Variants in RGPD3 observed in about 807,000 individuals in gnomAD.
RGPD3 encodes the protein RANBP2 like and GRIP domain containing 3.
Under a neutral mutation model 154.5 loss-of-function variants are expected in RGPD3, and 62 were observed. That is an observed-to-expected ratio of 0.40 (90% CI 0.33 to 0.50). The LOEUF is 0.50. Ranked by LOEUF, RGPD3 falls within the 20% of genes least tolerant of loss-of-function variation. The pLI is 0.59. For synonymous variants in RGPD3, 308 were observed against 607.0 expected (o/e 0.51, Z 7.24); for missense variants, 919 against 1,716.8 (o/e 0.54, Z 8.21).
rs1231290936 is a variant in RGPD3 at position 106,449,920 on chromosome 2, G to A, written c.782+2285C>T. On this transcript the variant is annotated intron_variant, in intron 6 of 22. Transcript: ENST00000409886. ...TAGGCCCAGCTACTCGGGAGGCTGA[G>A]GCAGGAGAATGGCGTGAACCCTGGA... 5.3e-5 allele frequency among the ~76,000 whole-genome samples: 8 copies of A among 152,002 alleles called. No individual in the cohort carries two copies. The South Asian group carries it at 1.2e-3, about 24-fold the overall frequency.
rs1273187560 is a variant in RGPD3 at position 106,415,918 on chromosome 2, C to A, written c.4996G>T (p.Ala1666Ser). 1.2e-6 allele frequency: 2 copies of A among 1,611,704 alleles called. No individual in the cohort carries two copies. Among genetic ancestry groups the A allele is most frequent in the African/African-American group, 2.7e-5 (2 of 74,782 alleles). ...CGAAGCAGGCCGTTTAAGTGATCTG[C>A]ACTTTTTGTGGTGGAACTGAGCTTC... ...VQKLSSTTKS[A>S]DHLNGLLREI... The change falls in exon 21 of 23, where the codon GCA (alanine) becomes TCA (serine). Residue 1666 changes from alanine to serine, a missense_variant. By Grantham distance (99) the Ala-to-Ser change is moderately conservative (BLOSUM62 1). Coordinates refer to ENST00000409886, the MANE Select transcript of RGPD3 (RefSeq NM_001144013.2).
chr2:106,429,358 A>G (rs1399302980), intron 18 of RGPD3, among the ~76,000 whole-genome samples: 3 of 151,472 alleles, frequency 2.0e-5, no homozygotes, highest in African/African-American at 4.9e-5. Flanking sequence ...ACTCTATTCA[A>G]TAACATTTTT....
Position 106,424,156 on chromosome 2 carries a change from A to T in RGPD3, c.3811T>A (p.Ser1271Thr). The T allele has an allele frequency of 1.2e-6, 2 of 1,610,310 alleles. No homozygotes were observed. The highest frequency in any genetic ancestry group is 1.7e-6 in the Non-Finnish European group (2 of 1,179,710). The change falls in exon 20 of 23, where the codon TCT becomes ACT. Residue 1271 changes from serine (S) to threonine (T), a missense_variant. Physicochemically the swap from Ser to Thr is moderately conservative, Grantham distance 58 (BLOSUM62 1). Transcript: ENST00000409886. ...DSVSSSSVHA[S>T]PLASSPVRKN... is the part of the protein sequence containing the mutation. ...CTCACAGGGCTACTTGCCAATGGAGAAGCATGTACTGAGCTACTACTGACA... is the reference window on the plus strand; with the variant it reads ...CTCACAGGGCTACTTGCCAATGGAGTAGCATGTACTGAGCTACTACTGACA...
intron 20 of RGPD3, among the ~76,000 whole-genome samples, chr2:106,418,114 A>G (rs143462662): frequency 0.099 from 14,156 of 143,178 alleles, 1,946 homozygotes; most frequent in African/African-American, 0.17. Flanking sequence ...GTGACAGAGC[A>G]AGACTCCAGC....
rs759803279 is a variant in RGPD3 at position 106,468,331 on chromosome 2, C to G, written c.-43G>C. 36 of 1,575,290 alleles carry G rather than the reference C, an allele frequency of 2.3e-5. No homozygotes were observed. In the African/African-American group the frequency reaches 4.3e-4, roughly 19 times the overall value. ...TCCCGAGATGCGTGAGACCAGCGCT[C>G]AGCCCCGCAGCAGTCGCCAATTCCA... On this transcript the variant is annotated 5_prime_UTR_variant, in exon 1 of 23. Transcript: ENST00000409886.
rs183421442 is a variant in RGPD3 at position 106,411,553 on chromosome 2, G to T, written c.5266+1531C>A. On this transcript the variant is annotated intron_variant, in intron 22 of 22. Coordinates refer to ENST00000409886, the MANE Select transcript of RGPD3 (RefSeq NM_001144013.2). ...GATAAAAAAACAACAAAATGGCCGG[G>T]CGTGGTGGCTCACACCTGTAATCCC... Among the ~76,000 whole-genome samples, 715 of 151,100 alleles carry T rather than the reference G, an allele frequency of 4.7e-3. 4 individuals are homozygous for T. Among genetic ancestry groups the T allele is most frequent in the Non-Finnish European group, 7.2e-3 (488 of 67,724 alleles).
upstream of RGPD3, among the ~76,000 whole-genome samples, chr2:106,468,561 T>C (rs1304478806): frequency 6.6e-6 from 1 of 152,098 alleles, no homozygotes; most frequent in African/African-American, 2.4e-5. Context: ...ATCCCAACAC[T>C]TTGGGAGGCT....
chr2:106,454,729 C>A (rs1217413246), intron 4 of RGPD3, among the ~76,000 whole-genome samples: 1 of 152,034 alleles, frequency 6.6e-6, no homozygotes, highest in Non-Finnish European at 1.5e-5. Context: ...TGTTCTTTAA[C>A]ACTACTGACA....
intron 1 of RGPD3, among the ~76,000 whole-genome samples, chr2:106,460,220 A>C (rs1296045792): frequency 1.5e-5 from 2 of 129,566 alleles, no homozygotes; most frequent in Non-Finnish European, 3.3e-5. Context: ...AATTTTCATC[A>C]GCCTTGGAAA....
chr2:106,463,248 A>G (rs56129168), intron 1 of RGPD3, among the ~76,000 whole-genome samples: 112,762 of 141,256 alleles, frequency 0.8, 43,178 homozygotes, highest in East Asian at 0.99. Context: ...AAGTAAAGAC[A>G]TTTTAAAGAC....
intron 22 of RGPD3, among the ~76,000 whole-genome samples, chr2:106,410,625 G>T (rs894253008): frequency 1.3e-5 from 2 of 152,032 alleles, no homozygotes; most frequent in Non-Finnish European, 2.9e-5. Context: ...AAATGCAAAC[G>T]TTCTTAAAGT....
At chr2:106,415,405 C>A (rs182038508) in intron 21 of RGPD3, among the ~76,000 whole-genome samples, 7 of 152,122 alleles carry the variant, frequency 4.6e-5, no homozygotes, top group African/African-American at 1.7e-4. Context: ...TGGCTGGATG[C>A]GGTGGCTCAC....
rs1361812773 is a variant in RGPD3 at position 106,467,794 on chromosome 2, G to A, written c.72+423C>T. On this transcript the variant is annotated intron_variant, in intron 1 of 22. Coordinates refer to ENST00000409886, the MANE Select transcript of RGPD3 (RefSeq NM_001144013.2). ...CGCCTGAGCCATCAAGGCAGCCGCCGGGCCAGGTCGAGGCCGCGGCCTCAA... is the reference window on the plus strand; with the variant it reads ...CGCCTGAGCCATCAAGGCAGCCGCCAGGCCAGGTCGAGGCCGCGGCCTCAA... Among the ~76,000 whole-genome samples the A allele has an allele frequency of 5.3e-4, 76 of 143,084 alleles. 1 individual carries two copies. Among genetic ancestry groups the A allele is most frequent in the Middle Eastern group, 4.2e-3 (1 of 238 alleles). The allele number at this position is 143,084 out of a possible 152,430, so 93.9% of individuals were successfully genotyped here.
chr2:106,469,367 A>G (rs1277620526), upstream of RGPD3, among the ~76,000 whole-genome samples: 2 of 151,966 alleles, frequency 1.3e-5, no homozygotes, highest in Non-Finnish European at 2.9e-5. Context: ...ACCATTTTCC[A>G]TTATAAAAGA....
chr2:106,466,320 C>T (rs1252753605), intron 1 of RGPD3, among the ~76,000 whole-genome samples: 2 of 150,952 alleles, frequency 1.3e-5, no homozygotes, highest in African/African-American at 4.9e-5. Context: ...CGCCAGGGAG[C>T]AGCGCCCGTC....
chr2:106,467,720 G>A (rs1392371193), intron 1 of RGPD3, among the ~76,000 whole-genome samples: 1 of 143,166 alleles, frequency 7.0e-6, no homozygotes, highest in Non-Finnish European at 1.5e-5. Flanking sequence ...GGTCGAGGCC[G>A]CCGCCTCAAC....
In RGPD3 at chr2:106,423,691, C is replaced by G. The variant is rs558217008; in HGVS notation, c.4276G>C (p.Val1426Leu). The G allele has an allele frequency of 2.7e-5, 44 of 1,610,012 alleles. No homozygotes were observed. The highest frequency in any genetic ancestry group is 3.4e-5 in the Non-Finnish European group (40 of 1,178,936). Residue 1426 changes from valine (V) to leucine (L), a missense_variant, in exon 20 of 23, where the codon GTA (valine) becomes CTA (leucine). Val to Leu is a conservative substitution (Grantham distance 32). Transcript: ENST00000409886. Reference sequence around the variant, plus strand: ...AAATCACATGCAGTCCACACCCATACTCTTTCTGTCCCTTTCATATTTTGC... The same window carrying G: ...AAATCACATGCAGTCCACACCCATAGTCTTTCTGTCCCTTTCATATTTTGC... ...SLQNMKGTER[V>L]WVWTACDFAD... is the part of the protein sequence containing the mutation.
At chr2:106,430,029 G>A (rs1677321788) in intron 17 of RGPD3, among the ~76,000 whole-genome samples, 2 of 151,982 alleles carry the variant, frequency 1.3e-5, no homozygotes. Flanking sequence ...GATTACAGGT[G>A]TCAGCCAGCA....
Position 106,434,216 on chromosome 2 carries a change from C to T in RGPD3, c.2205+12G>A, listed in dbSNP as rs1677466405. 2 of 1,587,894 alleles carry T rather than the reference C, an allele frequency of 1.3e-6. No individual in the cohort carries two copies. The highest frequency in any genetic ancestry group is 2.7e-5 in the African/African-American group (2 of 73,280). On this transcript the variant is annotated intron_variant, in intron 15 of 22. Transcript: ENST00000409886. ...ATCAGTAAGAACGTACATACAACAA[C>T]CTGCTACTTACTTTCTTGACCACTG...
Sources: gnomAD v4.1 joint callset for allele counts (sites outside exome capture counted in the v4.1 genomes callset) on GRCh38, gnomAD v4.1.1 for gene constraint, MANE v1.5 for transcripts, NCBI Gene and HGNC (gene_info 2026-07-23, HGNC 2026-07-21) for gene names.